Variants in GALNT13 observed in about 807,000 individuals in gnomAD.
GALNT13 encodes polypeptide N-acetylgalactosaminyltransferase 13.
GALNT13 carries 28 observed loss-of-function variants against 64.2 expected under a neutral mutation model. The observed-to-expected ratio is 0.44, with a 90% CI of 0.32 to 0.60. The LOEUF (loss-of-function observed/expected upper bound fraction) is 0.60, where lower values mean the gene tolerates loss of function less well. Among genes scored for constraint, GALNT13 ranks in the 20% least tolerant of loss-of-function variants. The pLI is 0.05. For synonymous variants in GALNT13, 214 were observed against 224.6 expected, an observed-to-expected ratio of 0.95 and a Z score of 0.42; for missense variants, 577 against 669.8, an observed-to-expected ratio of 0.86 and a Z score of 1.53.
At chr2:153,131,721 T>G in the GALNT13 span, among the ~76,000 whole-genome samples, 7 of 152,082 alleles carry the variant, frequency 4.6e-5, no homozygotes, top group African/African-American at 7.2e-5. Flanking sequence ...CTTTTAAAAG[T>G]GCAAATACAC....
chr2:154,228,589 A>T (rs1345272259), intron 4 of GALNT13, among the ~76,000 whole-genome samples: 1 of 152,188 alleles, frequency 6.6e-6, no homozygotes, highest in Non-Finnish European at 1.5e-5. Context: ...GACTGAGAAG[A>T]TTAATATTGC....
At chr2:154,396,557 T>C (rs1699063488) in intron 10 of GALNT13, among the ~76,000 whole-genome samples, 3 of 152,188 alleles carry the variant, frequency 2.0e-5, no homozygotes, top group Non-Finnish European at 4.4e-5. Context: ...AAAGTTAATA[T>C]ATTTTTTCCA....
chr2:153,261,446 A>G, the GALNT13 span, among the ~76,000 whole-genome samples: 2 of 152,158 alleles, frequency 1.3e-5, no homozygotes, highest in Non-Finnish European at 2.9e-5. Flanking sequence ...GCAGACTTTT[A>G]GAGTACCAAG....
At chr2:153,410,081 A>C in the GALNT13 span, among the ~76,000 whole-genome samples, 1 of 152,170 alleles carries the variant, frequency 6.6e-6, no homozygotes, top group African/African-American at 2.4e-5. Flanking sequence ...CAAAGTCCTA[A>C]ATGAAAATGC....
At chr2:154,045,027 A>G (rs983844296) in intron 3 of GALNT13, among the ~76,000 whole-genome samples, 1 of 152,178 alleles carries the variant, frequency 6.6e-6, no homozygotes, top group African/African-American at 2.4e-5. Flanking sequence ...TCTGAGCTGC[A>G]TGGTGACATG....
At chr2:153,478,173 G>A in the GALNT13 span, 61 of 1,342,298 alleles carry the variant, frequency 4.5e-5, no homozygotes, top group Admixed American at 4.4e-4. Flanking sequence ...GATAGTGAGG[G>A]GCACAGCCGG....
intron 2 of GALNT13, among the ~76,000 whole-genome samples, chr2:153,913,866 G>T (rs978517838): frequency 6.6e-6 from 1 of 152,106 alleles, no homozygotes; most frequent in Admixed American, 6.5e-5. Flanking sequence ...CTGATGTTCT[G>T]GTCCCTTGGA....
intron 4 of GALNT13, among the ~76,000 whole-genome samples, chr2:154,145,020 G>A (rs1403184027): frequency 2.0e-5 from 3 of 146,428 alleles, no homozygotes; most frequent in African/African-American, 7.5e-5. Flanking sequence ...CTTCTTGAAG[G>A]CCCTTCATTC....
chr2:153,880,839 GTT>G (rs1686732634), intron 1 of GALNT13, among the ~76,000 whole-genome samples: 1 of 151,334 alleles, frequency 6.6e-6, no homozygotes, highest in Non-Finnish European at 1.5e-5. Flanking sequence ...CTTGTTCTTT[GTT>G]CTTCTTTCCA....
chr2:153,969,314 C>T (rs912751900), intron 3 of GALNT13, among the ~76,000 whole-genome samples: 4 of 151,812 alleles, frequency 2.6e-5, no homozygotes, highest in Non-Finnish European at 5.9e-5. Context: ...AATCTAATTC[C>T]TTCAATTAGA....
the GALNT13 span, among the ~76,000 whole-genome samples, chr2:153,630,969 C>T: frequency 3.3e-5 from 5 of 151,170 alleles, no homozygotes; most frequent in Admixed American, 2.0e-4. Context: ...ACTCCCGCCA[C>T]CCCACAACAG....
the GALNT13 span, among the ~76,000 whole-genome samples, chr2:153,832,772 T>G: frequency 6.6e-6 from 1 of 152,264 alleles, no homozygotes; most frequent in East Asian, 1.9e-4. Context: ...AGACAAACCT[T>G]TCCTGTAAAG....
the GALNT13 span, among the ~76,000 whole-genome samples, chr2:153,400,808 T>TTCTC: frequency 1.3e-5 from 2 of 151,866 alleles, no homozygotes; most frequent in Non-Finnish European, 2.9e-5. Context: ...TATTTGATTC[T>TTCTC]TCTCTCTTTT....
chr2:154,092,758 G>A (rs1206188327), intron 3 of GALNT13, among the ~76,000 whole-genome samples: 2 of 152,020 alleles, frequency 1.3e-5, no homozygotes, highest in Non-Finnish European at 2.9e-5. Flanking sequence ...GTGAGATCAG[G>A]TGAAGGAGCA....
chr2:154,246,674 C>T (rs985613633), intron 7 of GALNT13, among the ~76,000 whole-genome samples: 3 of 152,012 alleles, frequency 2.0e-5, no homozygotes, highest in African/African-American at 2.4e-5. Flanking sequence ...AAAATACTTT[C>T]GGAAGTATTC....
chr2:153,363,157 C>T, the GALNT13 span, among the ~76,000 whole-genome samples: 92,929 of 151,704 alleles, frequency 0.61, 29,382 homozygotes, highest in Non-Finnish European at 0.68. Context: ...GAAATTAAGG[C>T]GGAAATCAAG....
intron 4 of GALNT13, among the ~76,000 whole-genome samples, chr2:154,175,597 G>C (rs990530569): frequency 6.6e-6 from 1 of 152,164 alleles, no homozygotes; most frequent in African/African-American, 2.4e-5. Flanking sequence ...AATGCCACAG[G>C]CTCCTTGGAA....
At chr2:153,936,726 AT>A (rs757532983) in intron 2 of GALNT13, among the ~76,000 whole-genome samples, 176 of 146,184 alleles carry the variant, frequency 1.2e-3, no homozygotes, top group Middle Eastern at 3.5e-3. Context: ...ATTAAATTTA[AT>A]TTTTTTTTTT....
At chr2:154,380,472 T>C (rs1698213914) in intron 9 of GALNT13, among the ~76,000 whole-genome samples, 1 of 152,122 alleles carries the variant, frequency 6.6e-6, no homozygotes, top group Non-Finnish European at 1.5e-5. Context: ...ACTCTTAAAA[T>C]ATTTTTAATG....
Sources: allele counts gnomAD v4.1 joint callset (sites outside exome capture counted in the v4.1 genomes callset), GRCh38; gene constraint gnomAD v4.1.1; transcripts MANE v1.5; gene names NCBI Gene and HGNC (gene_info 2026-07-23, HGNC 2026-07-21).